Variants in TTC29 observed in about 807,000 individuals in gnomAD.
TTC29 encodes the protein tetratricopeptide repeat protein 29.
Under a neutral mutation model 58.1 loss-of-function variants are expected in TTC29, and 49 were observed. The ratio of observed to expected loss-of-function variants is 0.84; its 90% CI spans 0.67 to 1.07. The LOEUF (loss-of-function observed/expected upper bound fraction) is 1.07, where lower values mean the gene tolerates loss of function less well. TTC29 is among the 50% of genes least tolerant of loss of function. The probability of loss-of-function intolerance (pLI) is 0.00; values close to 1 mark genes in which losing one functional copy is unlikely to be tolerated. For missense variants in TTC29, 582 were observed against 555.6 expected (o/e 1.05, Z -0.48); for synonymous variants, 209 against 196.8 (o/e 1.06, Z -0.52).
At chr4:146,839,071 G>C (rs941654289) in intron 8 of TTC29, among the ~76,000 whole-genome samples, 2 of 151,882 alleles carry the variant, frequency 1.3e-5, no homozygotes, top group Non-Finnish European at 2.9e-5. Context: ...GTCACACAGA[G>C]TTGTACGAAA....
intron 5 of TTC29, among the ~76,000 whole-genome samples, chr4:146,906,727 T>C (rs912688074): frequency 2.0e-5 from 3 of 152,224 alleles, no homozygotes; most frequent in African/African-American, 4.8e-5. Flanking sequence ...GTTTTTCCAG[T>C]AATACTTTTG....
intron 11 of TTC29, among the ~76,000 whole-genome samples, chr4:146,754,212 G>A (rs1746254409): frequency 6.6e-6 from 1 of 151,722 alleles, no homozygotes; most frequent in African/African-American, 2.4e-5. Flanking sequence ...ACAATTATAT[G>A]TCAATACATT....
intron 11 of TTC29, among the ~76,000 whole-genome samples, chr4:146,750,650 G>A (rs527957840): frequency 2.3e-4 from 35 of 152,122 alleles, no homozygotes; most frequent in African/African-American, 7.7e-4. Flanking sequence ...AATTATTATC[G>A]GCTTAGAATA....
intron 6 of TTC29, among the ~76,000 whole-genome samples, chr4:146,896,319 ACT>A (rs1732766505): frequency 6.6e-6 from 1 of 151,896 alleles, no homozygotes; most frequent in African/African-American, 2.4e-5. Flanking sequence ...CAGCATTTCA[ACT>A]CTCTTTTCTC....
chr4:146,857,459 A>C (rs1337376985), intron 8 of TTC29, among the ~76,000 whole-genome samples: 1 of 152,164 alleles, frequency 6.6e-6, no homozygotes, highest in Non-Finnish European at 1.5e-5. Flanking sequence ...AAGCAGGAAA[A>C]TGACTGCTGA....
At chr4:146,831,745 T>A (rs574690738) in intron 9 of TTC29, 1 of 451,950 alleles carries the variant, frequency 2.2e-6, no homozygotes, top group African/African-American at 2.0e-5. Flanking sequence ...ATATTCCAGA[T>A]AAGAAGCAAG....
At chr4:146,884,875 T>C (rs893050951) in intron 6 of TTC29, among the ~76,000 whole-genome samples, 2 of 152,102 alleles carry the variant, frequency 1.3e-5, no homozygotes, top group African/African-American at 4.8e-5. Context: ...CATTTTCTCT[T>C]GCAACACCCT....
At chr4:146,748,798 G>A (rs933645487) in intron 11 of TTC29, among the ~76,000 whole-genome samples, 1 of 152,164 alleles carries the variant, frequency 6.6e-6, no homozygotes, top group Admixed American at 6.5e-5. Flanking sequence ...GACCAAATGT[G>A]CAGACATCAA....
chr4:146,874,645 T>C, intron 7 of TTC29, 71 bp downstream of exon 7: 1 of 1,242,110 alleles, frequency 8.1e-7, no homozygotes, highest in Non-Finnish European at 1.1e-6. Context: ...TGACGATTTT[T>C]ACTTCACTCT....
At chr4:146,942,446 T>C (rs2150342026) in intron 2 of TTC29, 2 of 469,732 alleles carry the variant, frequency 4.3e-6, no homozygotes, top group Non-Finnish European at 7.5e-6. Context: ...TTAGATGTTA[T>C]ATTAAACAGT....
At chr4:146,906,756 A>G (rs777083428) in intron 5 of TTC29, among the ~76,000 whole-genome samples, 21 of 152,250 alleles carry the variant, frequency 1.4e-4, no homozygotes, top group Non-Finnish European at 2.9e-4. Context: ...TTAATTTTCT[A>G]TATTTCAACC....
At chr4:146,803,750 A>T in intron 10 of TTC29, 65 bp from the exon 11 acceptor site, 2 of 1,347,530 alleles carry the variant, frequency 1.5e-6, no homozygotes, top group Non-Finnish European at 2.0e-6. Context: ...ATATTTTCTG[A>T]CCTTACCCTG....
rs188961769 is a variant in TTC29 at position 146,742,952 on chromosome 4, G to A, written c.1331-35401C>T. The stretch of plus-strand genomic sequence containing the variant: ...AAAACAAACTAAGGCAACAGAAAAC[G>A]CAATGGAAAGAAAAATCCTCAGATA... On this transcript the variant is annotated intron_variant, in intron 11 of 12. Transcript: ENST00000325106. Among the ~76,000 whole-genome samples, 43 of 152,080 alleles carry A rather than the reference G, an allele frequency of 2.8e-4. No homozygotes were observed. The East Asian group carries it at 7.3e-3, about 26-fold the overall frequency.
At chr4:146,891,844 T>C (rs1732387181) in intron 6 of TTC29, among the ~76,000 whole-genome samples, 1 of 152,120 alleles carries the variant, frequency 6.6e-6, no homozygotes. Context: ...TTAGAAGATG[T>C]TTCTAGTTGT....
intron 6 of TTC29, among the ~76,000 whole-genome samples, chr4:146,882,385 T>C (rs2150234402): frequency 6.6e-6 from 1 of 152,262 alleles, no homozygotes; most frequent in East Asian, 1.9e-4. Context: ...GTAACGTGTA[T>C]AATGTATAAA....
At chr4:146,812,823 T>C (rs1751114048) in intron 10 of TTC29, 1 of 152,224 alleles carries the variant, frequency 6.6e-6, no homozygotes, top group Non-Finnish European at 1.5e-5. Context: ...GAGTTTACTG[T>C]CTAAATCTCT....
At chr4:146,777,954 T>C (rs4478208) in intron 11 of TTC29, among the ~76,000 whole-genome samples, 9,654 of 152,050 alleles carry the variant, frequency 0.063, 412 homozygotes, top group Admixed American at 0.13. Context: ...GATGGGTGGA[T>C]TGGGGTGAAA....
chr4:146,807,231 C>G (rs1336066417), intron 10 of TTC29, among the ~76,000 whole-genome samples: 3 of 152,058 alleles, frequency 2.0e-5, no homozygotes, highest in African/African-American at 7.2e-5. Context: ...TGGGACACAG[C>G]TAAAGCAGTG....
At chr4:146,823,798 C>T (rs1041678580) in intron 9 of TTC29, among the ~76,000 whole-genome samples, 5 of 152,074 alleles carry the variant, frequency 3.3e-5, no homozygotes, top group South Asian at 2.1e-4. Context: ...TTGTAGTGCT[C>T]CTTGAAGAGG....
Sources: allele counts gnomAD v4.1 joint callset (sites outside exome capture counted in the v4.1 genomes callset), GRCh38; gene constraint gnomAD v4.1.1; transcripts MANE v1.5; gene names NCBI Gene and HGNC (gene_info 2026-07-23, HGNC 2026-07-21).